The following DPP6 variants were observed in gnomAD, a reference collection of about 807,000 sequenced individuals.
The protein encoded by DPP6 is A-type potassium channel modulatory protein DPP6.
DPP6 carries 69 observed loss-of-function variants against 122.6 expected under a neutral mutation model. The observed-to-expected ratio is 0.56, with a 90% CI of 0.46 to 0.69. The LOEUF (loss-of-function observed/expected upper bound fraction) is 0.69, where lower values mean the gene tolerates loss of function less well. Among genes scored for constraint, DPP6 ranks in the 30% least tolerant of loss-of-function variants. DPP6 has a pLI of 0.00. For synonymous variants in DPP6, 418 were observed against 433.1 expected (o/e 0.97, Z 0.43); for missense variants, 928 against 1,116.9 (o/e 0.83, Z 2.41).
Position 154,013,273 on chromosome 7 carries a change from C to T in DPP6, c.51+125539C>T, listed in dbSNP as rs142584609. Among the ~76,000 whole-genome samples, 370 of 152,300 alleles carry T rather than the reference C, an allele frequency of 2.4e-3. 4 individuals carry two copies. Among genetic ancestry groups the T allele is most frequent in the African/African-American group, 6.6e-3 (274 of 41,572 alleles). On this transcript the variant is annotated intron_variant, in intron 1 of 25. Transcript: ENST00000404039. The stretch of plus-strand genomic sequence containing the variant: ...TAGTGAGAGAGGAAGCCTGGTTACT[C>T]ATGACTCTATTATGAGAAGAACCAC...
At chr7:154,105,697 G>A (rs995654716) in intron 1 of DPP6, among the ~76,000 whole-genome samples, 2 of 152,110 alleles carry the variant, frequency 1.3e-5, no homozygotes, top group Non-Finnish European at 2.9e-5. Context: ...AAGAGCTGAT[G>A]GTTTATAAAG....
At chr7:154,261,809 T>C (rs1025119006) in intron 1 of DPP6, among the ~76,000 whole-genome samples, 2 of 152,194 alleles carry the variant, frequency 1.3e-5, no homozygotes, top group South Asian at 4.1e-4. Context: ...TCATTAATGA[T>C]CAGGGAAATG....
chr7:154,821,653 T>TATACACAC lies in DPP6; in HGVS notation c.1666+14544_1666+14545insCACACATA, dbSNP rs1799783833. Among the ~76,000 whole-genome samples, 1,126 of 107,054 alleles carry TATACACAC rather than the reference T, an allele frequency of 0.011. 24 individuals are homozygous for TATACACAC. The highest frequency in any genetic ancestry group is 0.037 in the African/African-American group (1,081 of 29,612). 70.2% of individuals were successfully genotyped at this position (107,054 alleles called of 152,430 possible). A position where few individuals can be genotyped will look rare whatever the true frequency, so the allele number is the denominator to read the frequency against. On this transcript the variant is annotated intron_variant, in intron 16 of 25. Transcript: ENST00000377770. The surrounding 1 kb of genome is among the most constrained non-coding windows in gnomAD (Gnocchi z 4.2). ...GTATATATATATATATATACACATA[T>TATACACAC]ATATATATATACACATATATATATA...
chr7:154,722,524 A>G (rs1841870285), intron 7 of DPP6, among the ~76,000 whole-genome samples: 1 of 152,268 alleles, frequency 6.6e-6, no homozygotes, highest in Non-Finnish European at 1.5e-5. Flanking sequence ...ATTCTGAAGT[A>G]AGCAGAAAGT....
chr7:154,850,188 C>A (rs1423549197), intron 16 of DPP6, among the ~76,000 whole-genome samples: 1 of 152,132 alleles, frequency 6.6e-6, no homozygotes, highest in African/African-American at 2.4e-5. Context: ...TCCCTCACCC[C>A]CTCCTCCCCT....
intron 1 of DPP6, among the ~76,000 whole-genome samples, chr7:154,339,857 G>C (rs1270146599): frequency 6.6e-6 from 1 of 152,078 alleles, no homozygotes; most frequent in African/African-American, 2.4e-5. Context: ...GGCGGATCAC[G>C]AGGTCAGGAG....
At chr7:154,115,766 A>G (rs1189429121) in intron 1 of DPP6, among the ~76,000 whole-genome samples, 1 of 152,202 alleles carries the variant, frequency 6.6e-6, no homozygotes, top group Non-Finnish European at 1.5e-5. Flanking sequence ...TTCAATTGTA[A>G]GGTGGGGACA....
At position 154,585,915 on chromosome 7, in the gene DPP6, A is replaced by G. The variant is rs142009977; in HGVS notation, c.627+18999A>G. 3.0e-3 allele frequency among the ~76,000 whole-genome samples: 459 copies of G among 151,858 alleles called. 4 individuals are homozygous for G. Among genetic ancestry groups the G allele is most frequent in the African/African-American group, 0.01 (428 of 41,178 alleles). ...TGGAGGCAGGGCACTGGGGACTTGA[A>G]AGTGAAAAAGTCAGTCATGAGCATG... On this transcript the variant is annotated intron_variant, in intron 5 of 25. Transcript: ENST00000377770.
chr7:154,157,321 A>T (rs1210677354), intron 1 of DPP6, among the ~76,000 whole-genome samples: 2 of 152,234 alleles, frequency 1.3e-5, no homozygotes, highest in Non-Finnish European at 2.9e-5. Flanking sequence ...ATGGAAAGCC[A>T]GGAGCCCGGC....
At chr7:154,064,400 A>G (rs929503987) in intron 1 of DPP6, among the ~76,000 whole-genome samples, 3 of 152,138 alleles carry the variant, frequency 2.0e-5, no homozygotes, top group South Asian at 2.1e-4. Context: ...ACATTTGCTC[A>G]TGGTTCAATT....
intron 10 of DPP6, among the ~76,000 whole-genome samples, chr7:154,777,426 G>A (rs1461755094): frequency 6.6e-6 from 1 of 152,128 alleles, no homozygotes; most frequent in Non-Finnish European, 1.5e-5. Flanking sequence ...GCTAATGCAG[G>A]GACCCAGGCC....
At chr7:153,961,285 A>C (rs934847865) in intron 1 of DPP6, among the ~76,000 whole-genome samples, 5 of 151,406 alleles carry the variant, frequency 3.3e-5, no homozygotes, top group African/African-American at 1.2e-4. Context: ...GCCTCATGCC[A>C]GCTGCCTAAG....
chr7:153,784,953 A>C, the DPP6 span, among the ~76,000 whole-genome samples: 1,265 of 152,324 alleles, frequency 8.3e-3, 26 homozygotes, highest in African/African-American at 0.029. Flanking sequence ...GCTAATTCCC[A>C]ATTAACCAGG....
chr7:154,863,650 G>A lies in DPP6; in HGVS notation c.1715-4345G>A, dbSNP rs2150608254. ...GGAAACACAATGAGACCCTACCTCTGCAAAAATTACAAAATTTAGCCGGGC... is the reference window on the plus strand; with the variant it reads ...GGAAACACAATGAGACCCTACCTCTACAAAAATTACAAAATTTAGCCGGGC... On this transcript the variant is annotated intron_variant, in intron 17 of 25. Transcript: ENST00000377770. This position sits in a 1 kb window ranked among gnomAD's most constrained non-coding sequence, Gnocchi z 4.1. Among the ~76,000 whole-genome samples the A allele has an allele frequency of 6.6e-6, 1 of 152,166 alleles. No homozygotes were observed. Among genetic ancestry groups the A allele is most frequent in the African/African-American group, 2.4e-5 (1 of 41,528 alleles).
At chr7:154,691,345 C>T in intron 7 of DPP6, among the ~76,000 whole-genome samples, 1 of 152,132 alleles carries the variant, frequency 6.6e-6, no homozygotes, top group East Asian at 1.9e-4. Flanking sequence ...GAGTGAGCCT[C>T]AGGCCCAGAA....
At position 154,395,019 on chromosome 7, in the gene DPP6, G is replaced by A. The variant is rs191775643; in HGVS notation, c.244-51195G>A. 6.6e-5 allele frequency among the ~76,000 whole-genome samples: 10 copies of A among 152,256 alleles called. No individual in the cohort carries two copies. The East Asian group carries it at 7.7e-4, about 12-fold the overall frequency. On this transcript the variant is annotated intron_variant, in intron 1 of 25. Coordinates refer to ENST00000377770, the MANE Select transcript of DPP6 (RefSeq NM_130797.4). ...TTGGGCTGCTATGACGTAATACCAT[G>A]GACTAGGTAGCCTCTAAACAACAGA...
chr7:154,491,643 C>A (rs980363908), intron 3 of DPP6, among the ~76,000 whole-genome samples: 3 of 152,172 alleles, frequency 2.0e-5, no homozygotes, highest in Non-Finnish European at 2.9e-5. Context: ...ATCCCATCGC[C>A]ATCCACCTGT....
At chr7:153,948,365 A>T (rs950914389) in intron 1 of DPP6, among the ~76,000 whole-genome samples, 5 of 152,100 alleles carry the variant, frequency 3.3e-5, no homozygotes, top group African/African-American at 1.2e-4. Flanking sequence ...GCACAGATTA[A>T]ACTTTGGAAA....
At chr7:154,613,985 G>C (rs1039767195) in intron 5 of DPP6, among the ~76,000 whole-genome samples, 1 of 152,152 alleles carries the variant, frequency 6.6e-6, no homozygotes, top group Non-Finnish European at 1.5e-5. Flanking sequence ...TCCGCATTCC[G>C]CATACAGTGT....
Sources: allele counts gnomAD v4.1 joint callset (sites outside exome capture counted in the v4.1 genomes callset), GRCh38; gene constraint gnomAD v4.1.1; non-coding constraint Gnocchi (gnomAD v3.1); transcripts MANE v1.5; gene names NCBI Gene and HGNC (gene_info 2026-07-23, HGNC 2026-07-21).